GM2A: variants seen among roughly 807,000 people sequenced by gnomAD.
GM2A encodes GM2 ganglioside activator.
Under a neutral mutation model 12.9 loss-of-function variants are expected in GM2A, and 7 were observed. The ratio of observed to expected loss-of-function variants is 0.54; its 90% CI spans 0.31 to 1.02. The LOEUF (loss-of-function observed/expected upper bound fraction) is 1.02. GM2A is among the 50% of genes least tolerant of loss of function. GM2A has a pLI of 0.05. For synonymous variants in GM2A, 101 were observed against 96.0 expected (o/e 1.05, Z -0.30); for missense variants, 246 against 241.0 (o/e 1.02, Z -0.14).
Position 151,269,051 on chromosome 5 carries a change from G to A in GM2A, c.*1600G>A. The A allele has an allele frequency of 1.0e-6, 1 of 985,470 alleles. No homozygotes were observed. The highest frequency in any genetic ancestry group is 4.7e-5 in the South Asian group (1 of 21,292). The allele number at this position is 985,470 out of a possible 1,614,324, so 61.0% of individuals were successfully genotyped here. ...GGAGTCCTGTTGGGTGAATGAGGCAGATGGGAAAGAGCCTCACCAGCAGCT... is the reference window on the plus strand; with the variant it reads ...GGAGTCCTGTTGGGTGAATGAGGCAAATGGGAAAGAGCCTCACCAGCAGCT... On this transcript the variant is annotated 3_prime_UTR_variant, in exon 4 of 4. Transcript: ENST00000357164.
Position 151,268,443 on chromosome 5 carries a change from C to T in GM2A, c.*992C>T, listed in dbSNP as rs1753940175. The T allele has an allele frequency of 2.0e-6, 2 of 984,496 alleles. No homozygotes were observed. Among genetic ancestry groups the T allele is most frequent in the South Asian group, 4.7e-5 (1 of 21,258 alleles). 61.0% of individuals were successfully genotyped at this position (984,496 alleles called of 1,614,324 possible). On this transcript the variant is annotated 3_prime_UTR_variant, in exon 4 of 4. Transcript: ENST00000357164. ...GCTGGATTACAGGCATGAGCCACTA[C>T]ACCCAGCCGATTTTTCCTTTTTGAT...
At chr5:151,257,352 G>A (rs1471945564) in intron 1 of GM2A, among the ~76,000 whole-genome samples, 2 of 151,918 alleles carry the variant, frequency 1.3e-5, no homozygotes, top group African/African-American at 4.8e-5. Flanking sequence ...CAGGGCCTGG[G>A]GAAAGAAGAG....
chr5:151,263,916 A>G (rs371919252), intron 2 of GM2A, among the ~76,000 whole-genome samples: 1 of 152,292 alleles, frequency 6.6e-6, no homozygotes, highest in East Asian at 1.9e-4. Flanking sequence ...ATTTGACTCC[A>G]GCTGCAATTT....
rs754972474 is a variant in GM2A at position 151,266,794 on chromosome 5, A to C, written c.307A>C (p.Ile103Leu). 3.1e-6 allele frequency: 5 copies of C among 1,613,828 alleles called. No homozygotes were observed. The South Asian group carries it at 3.3e-5, about 11-fold the overall frequency. ...LWIKIPCTDY[I>L]GSCTFEHFCD... ...GATCAAGATCCCATGCACAGACTAC[A>C]TTGGCAGCTGTACCTTTGAACACTT... The change falls in exon 3 of 4, where the codon ATT becomes CTT. Residue 103 changes from isoleucine to leucine, a missense_variant. Ile to Leu is a conservative substitution (Grantham distance 5). Transcript: ENST00000357164.
chr5:151,261,840 C>G (rs562282688), intron 2 of GM2A, among the ~76,000 whole-genome samples: 26 of 152,358 alleles, frequency 1.7e-4, no homozygotes, highest in African/African-American at 6.0e-4. Flanking sequence ...TCCCAAAGTG[C>G]TGGGATTATA....
intron 2 of GM2A, among the ~76,000 whole-genome samples, chr5:151,261,628 G>A (rs111825466): frequency 0.073 from 11,128 of 151,918 alleles, 507 homozygotes; most frequent in Middle Eastern, 0.15. Context: ...TAGTAGAGAT[G>A]GGGTTTCACC....
In GM2A at chr5:151,269,146, C is replaced by A. The variant is rs115956086; in HGVS notation, c.*1695C>A. ...CAAACTGCCTGGATTTTTCTACCAC[C>A]CTGTTACATCATAACAACTTCTGAA... is the stretch of plus-strand genomic sequence containing the variant. On this transcript the variant is annotated 3_prime_UTR_variant, in exon 4 of 4. Coordinates refer to ENST00000357164, the MANE Select transcript of GM2A (RefSeq NM_000405.5). The A allele has an allele frequency of 3.8e-3, 3,784 of 985,422 alleles. 99 individuals carry two copies. The African/African-American group carries it at 0.059, about 15-fold the overall frequency. The allele number at this position is 985,422 out of a possible 1,614,324, so 61.0% of individuals were successfully genotyped here.
intron 1 of GM2A, among the ~76,000 whole-genome samples, chr5:151,253,616 T>C (rs1753632710): frequency 6.6e-6 from 1 of 151,982 alleles, no homozygotes; most frequent in African/African-American, 2.4e-5. Context: ...CTGTTAACCC[T>C]GCACCTTACT....
At chr5:151,261,933 T>C (rs963231175) in intron 2 of GM2A, among the ~76,000 whole-genome samples, 2 of 152,170 alleles carry the variant, frequency 1.3e-5, no homozygotes, top group Admixed American at 6.5e-5. Context: ...TTTGTAGAAA[T>C]TATTCTTATA....
Position 151,268,316 on chromosome 5 carries a change from G to A in GM2A, c.*865G>A, listed in dbSNP as rs1191089937. 1.0e-5 allele frequency: 4 copies of A among 400,882 alleles called. No individual in the cohort carries two copies. Among genetic ancestry groups the A allele is most frequent in the Non-Finnish European group, 1.4e-5 (4 of 296,010 alleles). The allele number at this position is 400,882 out of a possible 1,614,324, so 24.8% of individuals were successfully genotyped here. A position where few individuals can be genotyped will look rare whatever the true frequency, so the allele number is the denominator to read the frequency against. On this transcript the variant is annotated 3_prime_UTR_variant, in exon 4 of 4. Transcript: ENST00000357164. ...GACTACAGGCCCTGCCACCACGCCC[G>A]GCTAATTTGTGTATTTTTAGTAGAG...
At chr5:151,264,905 G>T (rs1411841874) in intron 2 of GM2A, among the ~76,000 whole-genome samples, 2 of 151,782 alleles carry the variant, frequency 1.3e-5, no homozygotes, top group Non-Finnish European at 2.9e-5. Context: ...TCGCTTGAAC[G>T]CAGGAAGCAG....
chr5:151,266,633 A>T lies in GM2A; in HGVS notation c.244-98A>T, dbSNP rs1366077533. 8.0e-6 allele frequency: 7 copies of T among 875,656 alleles called. No homozygotes were observed. In the African/African-American group the frequency reaches 1.2e-4, roughly 15 times the overall value. 54.2% of individuals were successfully genotyped at this position (875,656 alleles called of 1,614,324 possible). On this transcript the variant is annotated intron_variant, in intron 2 of 3. Coordinates refer to ENST00000357164, the MANE Select transcript of GM2A (RefSeq NM_000405.5). The stretch of plus-strand genomic sequence containing the variant: ...CAGTTAAAAATTCTATGATTAAAAT[A>T]TATTGCTGCTTTTTTGAAGACAGAA...
chr5:151,254,385 T>C (rs1406688112), intron 1 of GM2A, among the ~76,000 whole-genome samples: 1 of 152,184 alleles, frequency 6.6e-6, no homozygotes, highest in African/African-American at 2.4e-5. Flanking sequence ...TCTCACTCTG[T>C]CACCCAGGCT....
intron 3 of GM2A, 186 bp downstream of exon 3, chr5:151,267,099 C>A: frequency 1.2e-6 from 1 of 853,554 alleles, no homozygotes; most frequent in Non-Finnish European, 1.9e-6. Context: ...GAGACTTGAA[C>A]TTAGATGTGA....
intron 3 of GM2A, 40 bp from the exon 4 acceptor site, chr5:151,267,256 T>G (rs1269475505): frequency 4.3e-6 from 7 of 1,613,732 alleles, no homozygotes; most frequent in Admixed American, 1.7e-5. Flanking sequence ...ACCCCATCAG[T>G]AGGCTCCCAC....
chr5:151,265,854 G>A (rs1485710343), intron 2 of GM2A, among the ~76,000 whole-genome samples: 1 of 152,202 alleles, frequency 6.6e-6, no homozygotes, highest in Non-Finnish European at 1.5e-5. Flanking sequence ...TACTCCTTGA[G>A]GCAGCTCCAT....
At chr5:151,266,690 T>TATAAC (rs1358802283) in intron 2 of GM2A, 41 bp from the exon 3 acceptor site, 2 of 1,506,520 alleles carry the variant, frequency 1.3e-6, no homozygotes, top group Middle Eastern at 1.8e-4. Context: ...AATTTACACT[T>TATAAC]ATAACCTTTT....
chr5:151,267,360 C>A lies in GM2A; in HGVS notation c.491C>A (p.Thr164Asn), dbSNP rs983256932. Residue 164 changes from threonine to asparagine, a missense_variant, in exon 4 of 4, where the codon ACC becomes AAC. Coordinates refer to ENST00000357164, the MANE Select transcript of GM2A (RefSeq NM_000405.5). ...GACCTGGAGCTGCCCAGTTGGCTCA[C>A]CACCGGGAACTACCGCATAGAGAGC... is the stretch of plus-strand genomic sequence containing the variant. Reference protein sequence around the residue: ...VPDLELPSWLTTGNYRIESVL... With the variant: ...VPDLELPSWLNTGNYRIESVL... 6 of 1,614,086 alleles carry A rather than the reference C, an allele frequency of 3.7e-6. No individual in the cohort carries two copies. The highest frequency in any genetic ancestry group is 5.1e-6 in the Non-Finnish European group (6 of 1,180,032).
At chr5:151,264,640 A>C (rs1254098504) in intron 2 of GM2A, among the ~76,000 whole-genome samples, 2 of 152,172 alleles carry the variant, frequency 1.3e-5, no homozygotes, top group African/African-American at 4.8e-5. Context: ...TTCCCTCTCA[A>C]TGGGACCTGT....
Sources: gnomAD v4.1 joint callset for allele counts (sites outside exome capture counted in the v4.1 genomes callset) on GRCh38, gnomAD v4.1.1 for gene constraint, MANE v1.5 for transcripts, NCBI Gene and HGNC (gene_info 2026-07-23, HGNC 2026-07-21) for gene names.